HDAC9: variants seen among roughly 807,000 people sequenced by gnomAD.
HDAC9 encodes the protein MEF-2 interacting transcription repressor (MITR) protein.
A neutral mutation model predicts 139.4 loss-of-function variants in HDAC9; 41 were observed. The observed-to-expected ratio is 0.29, with a 90% CI of 0.23 to 0.38. The LOEUF (loss-of-function observed/expected upper bound fraction) is 0.38. Among genes scored for constraint, HDAC9 ranks in the 10% least tolerant of loss-of-function variants. HDAC9 has a pLI of 1.00. For missense variants in HDAC9, 1,147 were observed against 1,297.0 expected (o/e 0.88, Z 1.78); for synonymous variants, 517 against 476.2 (o/e 1.09, Z -1.12).
intron 22 of HDAC9, among the ~76,000 whole-genome samples, chr7:18,884,718 C>T (rs998513039): frequency 5.3e-5 from 8 of 152,146 alleles, no homozygotes; most frequent in Admixed American, 4.6e-4. Context: ...TGTTTTTAGT[C>T]AGTTGGGGCT....
intron 6 of HDAC9, among the ~76,000 whole-genome samples, chr7:18,617,207 C>T (rs1562594344): frequency 1.3e-5 from 2 of 152,036 alleles, no homozygotes; most frequent in Non-Finnish European, 2.9e-5. Flanking sequence ...TCCAGTCAAT[C>T]CTTTGACTTT....
At chr7:18,164,184 G>C (rs1239738399) in intron 2 of HDAC9, among the ~76,000 whole-genome samples, 1 of 152,152 alleles carries the variant, frequency 6.6e-6, no homozygotes, top group Non-Finnish European at 1.5e-5. Flanking sequence ...GTTGAGGAAA[G>C]TGATAGTAAA....
intron 24 of HDAC9, among the ~76,000 whole-genome samples, chr7:18,955,377 C>G (rs889532734): frequency 6.6e-6 from 1 of 152,054 alleles, no homozygotes; most frequent in Non-Finnish European, 1.5e-5. Flanking sequence ...TTGTAGTGAT[C>G]TTTGACAGCA....
Position 18,901,105 on chromosome 7 carries a change from A to G in HDAC9, c.2803+26509A>G, listed in dbSNP as rs550547717. Among the ~76,000 whole-genome samples the G allele has an allele frequency of 2.0e-5, 3 of 151,758 alleles. No homozygotes were observed. The Middle Eastern group carries it at 0.01, about 520-fold the overall frequency. On this transcript the variant is annotated intron_variant, in intron 22 of 25. Transcript: ENST00000686413. ...CTGTGACATTAATCATGATCTTCTA[A>G]TAATATACTACAGAGATTCCCAAAA...
At chr7:18,649,271 G>A (rs932415238) in intron 11 of HDAC9, among the ~76,000 whole-genome samples, 4 of 152,226 alleles carry the variant, frequency 2.6e-5, no homozygotes, top group Non-Finnish European at 5.9e-5. Context: ...TCCTGCTGAG[G>A]CAACTACAAA....
intron 12 of HDAC9, among the ~76,000 whole-genome samples, chr7:18,682,033 A>G (rs927789508): frequency 2.0e-5 from 3 of 152,102 alleles, no homozygotes; most frequent in African/African-American, 7.2e-5. Flanking sequence ...TTAGAATAAA[A>G]GGTTAAATTT....
chr7:18,366,478 C>A (rs1784189140), intron 1 of HDAC9, among the ~76,000 whole-genome samples: 4 of 152,120 alleles, frequency 2.6e-5, no homozygotes, highest in Admixed American at 1.3e-4. Context: ...AAGACTTGTG[C>A]CTACTCTTCC....
In HDAC9 at chr7:18,106,224, C is replaced by T. The variant is rs182710710; in HGVS notation, c.-97+19011C>T. ...AAATTTTTAGGTATGTGAATGATAC[C>T]TCAGAAAAAGTCAGGGAACGCAGTG... On this transcript the variant is annotated intron_variant, in intron 1 of 12. Coordinates refer to the HDAC9 transcript ENST00000417496. Among the ~76,000 whole-genome samples, 526 of 152,146 alleles carry T rather than the reference C, an allele frequency of 3.5e-3. 1 individual carries two copies. The highest frequency in any genetic ancestry group is 4.5e-3 in the Non-Finnish European group (308 of 67,994).
chr7:18,632,152 A>G (rs1362256863), intron 7 of HDAC9, among the ~76,000 whole-genome samples: 3 of 152,078 alleles, frequency 2.0e-5, no homozygotes, highest in Non-Finnish European at 4.4e-5. Context: ...AGCTCCTGTA[A>G]GAATTTTTAA....
intron 2 of HDAC9, among the ~76,000 whole-genome samples, chr7:18,252,977 T>C (rs565676889): frequency 3.9e-5 from 6 of 152,320 alleles, no homozygotes; most frequent in African/African-American, 1.4e-4. Flanking sequence ...TCTCCTCATT[T>C]AGCTCCCACT....
intron 1 of HDAC9, among the ~76,000 whole-genome samples, chr7:18,365,877 G>C (rs574514224): frequency 2.4e-4 from 37 of 151,368 alleles, no homozygotes; most frequent in Non-Finnish European, 4.0e-4. Context: ...TTGAAGAGAA[G>C]ATTAAATGAA....
chr7:18,852,528 A>T (rs1211824306), intron 21 of HDAC9, among the ~76,000 whole-genome samples: 2 of 152,228 alleles, frequency 1.3e-5, no homozygotes, highest in Non-Finnish European at 2.9e-5. Context: ...AGGTACAGGG[A>T]CTTGGAAAAG....
chr7:18,389,683 G>T (rs1438231437), intron 1 of HDAC9, among the ~76,000 whole-genome samples: 2 of 152,152 alleles, frequency 1.3e-5, no homozygotes, highest in Admixed American at 1.3e-4. Flanking sequence ...TGTATGTCAA[G>T]TATATGCATA....
intron 2 of HDAC9, among the ~76,000 whole-genome samples, chr7:18,205,153 A>G (rs181175973): frequency 6.6e-6 from 1 of 152,046 alleles, no homozygotes; most frequent in East Asian, 1.9e-4. Context: ...AGCCTCATTG[A>G]TTACATAGCT....
At chr7:18,254,689 A>G (rs1294065144) in intron 2 of HDAC9, among the ~76,000 whole-genome samples, 1 of 152,232 alleles carries the variant, frequency 6.6e-6, no homozygotes, top group Non-Finnish European at 1.5e-5. Context: ...GTTCTTTAAC[A>G]AATAAAATAA....
chr7:18,535,722 CAAAAAAAAAA>C (rs72123660), intron 2 of HDAC9, among the ~76,000 whole-genome samples: 33 of 49,252 alleles, frequency 6.7e-4, no homozygotes, highest in African/African-American at 2.1e-3. Context: ...AGGCATTAAG[CAAAAAAAAAA>C]AAAAAAAAAA....
intron 17 of HDAC9, among the ~76,000 whole-genome samples, chr7:18,807,200 A>T (rs551528845): frequency 6.6e-6 from 1 of 152,130 alleles, no homozygotes; most frequent in South Asian, 2.1e-4. Context: ...TGTGGCTAGG[A>T]ATTTATCTGT....
chr7:18,980,865 C>T (rs2129341597), intron 25 of HDAC9, among the ~76,000 whole-genome samples: 1 of 151,374 alleles, frequency 6.6e-6, no homozygotes, highest in African/African-American at 2.4e-5. Context: ...ACTCTGTCAC[C>T]CAGGCTAGAA....
intron 21 of HDAC9, among the ~76,000 whole-genome samples, chr7:18,871,028 T>A (rs1307323266): frequency 6.6e-6 from 1 of 152,172 alleles, no homozygotes; most frequent in Non-Finnish European, 1.5e-5. Flanking sequence ...GTTCCAATGG[T>A]AATTATATAT....
Sources: allele counts gnomAD v4.1 joint callset (sites outside exome capture counted in the v4.1 genomes callset), GRCh38; gene constraint gnomAD v4.1.1; transcripts MANE v1.5; gene names NCBI Gene and HGNC (gene_info 2026-07-23, HGNC 2026-07-21).